The following LGR4 variants were observed in gnomAD, a reference collection of about 807,000 sequenced individuals.
LGR4 encodes the protein leucine-rich repeat-containing G protein-coupled receptor 4.
LGR4 carries 44 observed loss-of-function variants against 84.8 expected under a neutral mutation model. The ratio of observed to expected loss-of-function variants is 0.52; its 90% CI spans 0.41 to 0.67. The LOEUF (loss-of-function observed/expected upper bound fraction) is 0.67, where lower values mean the gene tolerates loss of function less well. LGR4 is among the 30% of genes least tolerant of loss of function. The probability of loss-of-function intolerance (pLI) is 0.00; values close to 1 mark genes in which losing one functional copy is unlikely to be tolerated. For missense variants in LGR4, 1,032 were observed against 1,131.4 expected (o/e 0.91, Z 1.26); for synonymous variants, 429 against 434.3 (o/e 0.99, Z 0.15).
intron 15 of LGR4, chr11:27,373,309 C>T: frequency 3.0e-6 from 1 of 327,900 alleles, no homozygotes; most frequent in Non-Finnish European, 5.5e-6. Flanking sequence ...ATTAAAAAAC[C>T]ATTCTGGTGA....
intron 1 of LGR4, among the ~76,000 whole-genome samples, chr11:27,433,312 T>C (rs377671985): frequency 6.6e-6 from 1 of 152,032 alleles, no homozygotes; most frequent in Admixed American, 6.6e-5. Context: ...TCCCGGGTTC[T>C]CGCCATTCTC....
chr11:27,427,576 A>AT (rs1051299943), intron 1 of LGR4, among the ~76,000 whole-genome samples: 1 of 152,202 alleles, frequency 6.6e-6, no homozygotes, highest in African/African-American at 2.4e-5. Context: ...GGTATGAAAT[A>AT]TTTTTTAAGA....
At chr11:27,401,434 G>C (rs1657653778) in intron 2 of LGR4, among the ~76,000 whole-genome samples, 1 of 152,010 alleles carries the variant, frequency 6.6e-6, no homozygotes, top group Non-Finnish European at 1.5e-5. Flanking sequence ...CCTGAGCAAA[G>C]TTATCCTGAC....
chr11:27,383,293 G>A (rs1213048630), intron 6 of LGR4, among the ~76,000 whole-genome samples: 1 of 152,096 alleles, frequency 6.6e-6, no homozygotes, highest in Non-Finnish European at 1.5e-5. Context: ...GACCTATTTT[G>A]GTTTCCTTTT....
intron 1 of LGR4, among the ~76,000 whole-genome samples, chr11:27,436,350 AAAG>A (rs1400583220): frequency 8.1e-6 from 1 of 123,268 alleles, no homozygotes; most frequent in East Asian, 2.3e-4. Context: ...AGAGAGAGAG[AAAG>A]AAAGAAAGAA....
chr11:27,455,874 C>A (rs1176648293), intron 1 of LGR4, among the ~76,000 whole-genome samples: 3 of 152,176 alleles, frequency 2.0e-5, no homozygotes, highest in Admixed American at 6.5e-5. Flanking sequence ...ATGGTTTCTC[C>A]ATCTCTAAAA....
Position 27,382,235 on chromosome 11 carries a change from C to A in LGR4, c.711G>T (p.Leu237Phe). Residue 237 changes from leucine (L) to phenylalanine (F), a missense_variant, in exon 7 of 18, where the codon TTG (leucine) becomes TTT (phenylalanine). Physicochemically the swap from Leu to Phe is conservative, Grantham distance 22. Coordinates refer to ENST00000379214, the MANE Select transcript of LGR4 (RefSeq NM_018490.5). ...LETLDLNYNN[L>F]GEFPQAIKAL... ...CTTTAATAGCCTGAGGAAATTCCCC[C>A]AAGTTATTATAATTCAAGTCTCTAG... The A allele has an allele frequency of 6.2e-7, 1 of 1,607,806 alleles. No homozygotes were observed. The highest frequency in any genetic ancestry group is 8.5e-7 in the Non-Finnish European group (1 of 1,174,876).
intron 1 of LGR4, among the ~76,000 whole-genome samples, chr11:27,435,284 G>T (rs1864188669): frequency 6.6e-6 from 1 of 151,792 alleles, no homozygotes; most frequent in East Asian, 2.0e-4. Flanking sequence ...AGTGAGCTGA[G>T]ATTACACCAC....
chr11:27,449,274 A>C (rs1267523964), intron 1 of LGR4, among the ~76,000 whole-genome samples: 2 of 111,062 alleles, frequency 1.8e-5, no homozygotes, highest in Non-Finnish European at 4.7e-5. Flanking sequence ...TTTAACAAAA[A>C]TCTATTCAAT....
intron 1 of LGR4, among the ~76,000 whole-genome samples, chr11:27,419,929 T>C (rs1395411281): frequency 6.6e-6 from 1 of 151,226 alleles, no homozygotes; most frequent in Non-Finnish European, 1.5e-5. Context: ...AGTTGGGGGG[T>C]GGAGAAAAGG....
At chr11:27,382,631 G>T (rs1469966185) in intron 6 of LGR4, among the ~76,000 whole-genome samples, 1 of 152,138 alleles carries the variant, frequency 6.6e-6, no homozygotes, top group Non-Finnish European at 1.5e-5. Context: ...TGAAACTGAG[G>T]TTTCCATTTG....
chr11:27,389,438 T>TTTCACAG (rs750410835), intron 4 of LGR4, among the ~76,000 whole-genome samples: 1 of 152,140 alleles, frequency 6.6e-6, no homozygotes, highest in Non-Finnish European at 1.5e-5. Context: ...AAGAGAAACC[T>TTTCACAG]ATGATTTCTG....
chr11:27,421,129 G>A (rs761690441), intron 1 of LGR4, among the ~76,000 whole-genome samples: 5 of 152,190 alleles, frequency 3.3e-5, no homozygotes, highest in African/African-American at 4.8e-5. Flanking sequence ...GGGACGAAGG[G>A]AGGGGAAGCT....
chr11:27,472,090 C>CCA, intron 1 of LGR4, 28 bp downstream of exon 1: 5 of 1,286,982 alleles, frequency 3.9e-6, no homozygotes, highest in South Asian at 2.2e-5. Context: ...TCCTCCCCCC[C>CCA]CCTCGCGTCC....
chr11:27,445,564 C>A (rs78728503), intron 1 of LGR4, among the ~76,000 whole-genome samples: 2,108 of 152,166 alleles, frequency 0.014, 50 homozygotes, highest in African/African-American at 0.047. Flanking sequence ...CCTCCCCCAA[C>A]GAATACAGCA....
At chr11:27,436,899 C>T (rs750975290) in intron 1 of LGR4, among the ~76,000 whole-genome samples, 12 of 150,734 alleles carry the variant, frequency 8.0e-5, no homozygotes, top group South Asian at 2.1e-4. Context: ...CACTGCATTG[C>T]GGGGATAGGA....
chr11:27,368,225 T>C lies in LGR4; in HGVS notation c.2498A>G (p.Gln833Arg), dbSNP rs902437131. 6.2e-7 allele frequency: 1 copy of C among 1,614,240 alleles called. No homozygotes were observed. The highest frequency in any genetic ancestry group is 8.5e-7 in the Non-Finnish European group (1 of 1,180,036). ...SGSVSVSISSQGGCLEQDFYY... is the reference protein window; with the variant it reads ...SGSVSVSISSRGGCLEQDFYY... ...GAAATCCTGTTCCAGACAACCACCT[T>C]GGCTACTGATGGAAACTGAAACTGA... Residue 833 changes from glutamine to arginine, a missense_variant, in exon 18 of 18, where the codon CAA (glutamine) becomes CGA (arginine). Gln to Arg is a conservative substitution (Grantham distance 43, BLOSUM62 1). Transcript: ENST00000379214.
At chr11:27,448,671 G>A (rs535932247) in intron 1 of LGR4, among the ~76,000 whole-genome samples, 12 of 152,274 alleles carry the variant, frequency 7.9e-5, no homozygotes, top group Admixed American at 1.3e-4. Context: ...AAATTATTTT[G>A]TCATGAAACA....
chr11:27,380,483 G>C, intron 9 of LGR4, 144 bp from the exon 10 acceptor site: 2 of 725,006 alleles, frequency 2.8e-6, no homozygotes, highest in Non-Finnish European at 4.5e-6. Context: ...TGATAATGTG[G>C]CAAAGTATTC....
Sources: allele counts gnomAD v4.1 joint callset (sites outside exome capture counted in the v4.1 genomes callset), GRCh38; gene constraint gnomAD v4.1.1; transcripts MANE v1.5; gene names NCBI Gene and HGNC (gene_info 2026-07-23, HGNC 2026-07-21).